Variants in RAP1GAP2 observed in about 807,000 individuals in gnomAD.
The protein encoded by RAP1GAP2 is rap1 GTPase-activating protein 2.
RAP1GAP2 carries 27 observed loss-of-function variants against 95.0 expected under a neutral mutation model. The observed-to-expected ratio is 0.28, with a 90% confidence interval of 0.21 to 0.39. The LOEUF is 0.39. Ranked by LOEUF, RAP1GAP2 falls within the 10% of genes least tolerant of loss-of-function variation. The probability of loss-of-function intolerance (pLI) is 1.00; values close to 1 mark genes in which losing one functional copy is unlikely to be tolerated. For missense variants in RAP1GAP2, 771 were observed against 970.0 expected, an observed-to-expected ratio of 0.79 and a Z score of 2.72; for synonymous variants, 373 against 380.9, an observed-to-expected ratio of 0.98 and a Z score of 0.24.
chr17:2,856,874 G>A (rs976820011), intron 2 of RAP1GAP2, among the ~76,000 whole-genome samples: 15 of 152,212 alleles, frequency 9.9e-5, no homozygotes, highest in African/African-American at 3.4e-4. Flanking sequence ...CCTACCCAAG[G>A]AGAAAGAGTG....
At chr17:3,009,711 C>T (rs752404338) in intron 17 of RAP1GAP2, among the ~76,000 whole-genome samples, 1 of 152,164 alleles carries the variant, frequency 6.6e-6, no homozygotes, top group Non-Finnish European at 1.5e-5. Flanking sequence ...GCTGCTTGTC[C>T]AGGCTGGTGG....
intron 2 of RAP1GAP2, among the ~76,000 whole-genome samples, chr17:2,829,417 C>T (rs998932088): frequency 6.6e-6 from 1 of 152,046 alleles, no homozygotes; most frequent in Non-Finnish European, 1.5e-5. Context: ...GGGCTGGGGT[C>T]GTGACCCCGT....
chr17:2,958,037 G>T (rs192858623), intron 4 of RAP1GAP2, among the ~76,000 whole-genome samples: 1 of 152,298 alleles, frequency 6.6e-6, no homozygotes, highest in Admixed American at 6.5e-5. Flanking sequence ...CAGCAGGGCA[G>T]CTGGGGAGGC....
At chr17:2,828,506 TGGTGGGA>T (rs2070687612) in intron 2 of RAP1GAP2, among the ~76,000 whole-genome samples, 1 of 148,444 alleles carries the variant, frequency 6.7e-6, no homozygotes, top group African/African-American at 2.5e-5. Flanking sequence ...GCATTCCAGG[TGGTGGGA>T]ACAGGCTTGG....
At chr17:2,953,350 C>A (rs2043984373) in intron 3 of RAP1GAP2, among the ~76,000 whole-genome samples, 1 of 152,056 alleles carries the variant, frequency 6.6e-6, no homozygotes, top group African/African-American at 2.4e-5. Flanking sequence ...CAGGTGTGAA[C>A]CACCGTGTCT....
intron 2 of RAP1GAP2, among the ~76,000 whole-genome samples, chr17:2,812,369 G>A (rs186950417): frequency 1.3e-5 from 2 of 152,214 alleles, no homozygotes; most frequent in East Asian, 3.9e-4. Context: ...CCCGGTTCAG[G>A]CCCATTATCT....
chr17:2,859,458 T>C (rs2072282865), intron 2 of RAP1GAP2, among the ~76,000 whole-genome samples: 1 of 151,690 alleles, frequency 6.6e-6, no homozygotes, highest in South Asian at 2.1e-4. Context: ...TTTTTGGAGA[T>C]GTGGTCTCAC....
At chr17:2,983,776 G>C (rs561464672) in intron 10 of RAP1GAP2, among the ~76,000 whole-genome samples, 1 of 152,208 alleles carries the variant, frequency 6.6e-6, no homozygotes, top group African/African-American at 2.4e-5. Context: ...TGGAAGGGAC[G>C]TTCAAATTTC....
chr17:2,937,577 C>T lies in RAP1GAP2; in HGVS notation c.166-20182C>T, dbSNP rs142876957. ...GAGCTGGAAGGATGCTGAGGATGCACGAGCCTTATCCTGGGTCCCTTTTTC... is the reference window on the plus strand; with the variant it reads ...GAGCTGGAAGGATGCTGAGGATGCATGAGCCTTATCCTGGGTCCCTTTTTC... On this transcript the variant is annotated intron_variant, in intron 3 of 24. Transcript: ENST00000254695. Among the ~76,000 whole-genome samples, 18 of 152,220 alleles carry T rather than the reference C, an allele frequency of 1.2e-4. No individual in the cohort carries two copies. In the East Asian group the frequency reaches 3.1e-3, roughly 26 times the overall value.
intron 17 of RAP1GAP2, 135 bp from the exon 18 acceptor site, chr17:3,017,926 T>G (rs1375823479): frequency 2.6e-6 from 2 of 760,666 alleles, no homozygotes; most frequent in Non-Finnish European, 4.1e-6. Flanking sequence ...CGTGTGTGTG[T>G]GTGTGTGTGT....
intron 2 of RAP1GAP2, among the ~76,000 whole-genome samples, chr17:2,820,764 TCTCA>T (rs2070253792): frequency 6.6e-6 from 1 of 152,022 alleles, no homozygotes; most frequent in East Asian, 1.9e-4. Flanking sequence ...TGAGACGGAG[TCTCA>T]CTCTGTATAG....
At chr17:2,983,057 T>C (rs549720963) in intron 10 of RAP1GAP2, among the ~76,000 whole-genome samples, 21 of 152,298 alleles carry the variant, frequency 1.4e-4, no homozygotes, top group African/African-American at 5.1e-4. Flanking sequence ...AGCAGCGCCG[T>C]CGCTGGGGGA....
chr17:2,874,193 A>G (rs779662285), intron 2 of RAP1GAP2, among the ~76,000 whole-genome samples: 16 of 152,232 alleles, frequency 1.1e-4, no homozygotes, highest in Non-Finnish European at 2.4e-4. Flanking sequence ...AGATTAAATA[A>G]GAGGCATAAG....
Position 3,030,976 on chromosome 17 carries a change from T to C in RAP1GAP2, c.2162T>C (p.Leu721Pro). The C allele has an allele frequency of 6.2e-7, 1 of 1,609,664 alleles. No homozygotes were observed. Among genetic ancestry groups the C allele is most frequent in the Non-Finnish European group, 8.5e-7 (1 of 1,178,138 alleles). The stretch of plus-strand genomic sequence containing the variant: ...AACCTGAAATTCCGCTTTGACAAGC[T>C]CAGCCATGCCAGCTCTGGTGCGGTA... ...RSNLKFRFDK[L>P]SHASSGAGH The change falls in exon 23 of 25, where the codon CTC becomes CCC. Residue 721 changes from leucine (L) to proline (P), a missense_variant. Transcript: ENST00000254695.
intron 18 of RAP1GAP2, among the ~76,000 whole-genome samples, 164 bp from the exon 19 acceptor site, chr17:3,020,313 C>G (rs904574308): frequency 1.3e-5 from 2 of 152,216 alleles, no homozygotes; most frequent in African/African-American, 4.8e-5. Flanking sequence ...CCTGAGTCTC[C>G]AGGTCTCAGC....
At chr17:2,778,797 C>T (rs955174599) in intron 1 of RAP1GAP2, among the ~76,000 whole-genome samples, 1 of 152,090 alleles carries the variant, frequency 6.6e-6, no homozygotes, top group African/African-American at 2.4e-5. Flanking sequence ...GAAACAAGGG[C>T]GAGGACATGG....
chr17:2,937,516 G>A (rs2043341810), intron 3 of RAP1GAP2, among the ~76,000 whole-genome samples: 2 of 152,184 alleles, frequency 1.3e-5, no homozygotes, highest in African/African-American at 4.8e-5. Context: ...CTGAGTAGGA[G>A]TGGAGATGAG....
intron 23 of RAP1GAP2, 27 bp from the exon 24 acceptor site, chr17:3,032,384 C>T (rs1368118447): frequency 6.2e-7 from 1 of 1,613,874 alleles, no homozygotes; most frequent in East Asian, 2.2e-5. Context: ...GTTATTTAAA[C>T]TCCTGTATGG....
intron 17 of RAP1GAP2, among the ~76,000 whole-genome samples, chr17:3,014,246 A>G (rs73298980): frequency 0.016 from 2,476 of 152,284 alleles, 72 homozygotes; most frequent in African/African-American, 0.056. Context: ...CACGTCGGCT[A>G]TAGAGCCTGT....
Sources: gnomAD v4.1 joint callset for allele counts (sites outside exome capture counted in the v4.1 genomes callset) on GRCh38, gnomAD v4.1.1 for gene constraint, MANE v1.5 for transcripts, NCBI Gene and HGNC (gene_info 2026-07-23, HGNC 2026-07-21) for gene names.